HCN1: variants seen among roughly 807,000 people sequenced by gnomAD.
The protein encoded by HCN1 is hyperpolarization activated cyclic nucleotide gated potassium channel 1.
Under a neutral mutation model 78.9 loss-of-function variants are expected in HCN1, and 13 were observed. The observed-to-expected ratio is 0.16, with a 90% CI of 0.11 to 0.26. HCN1 has a LOEUF of 0.26. HCN1 is among the 10% of genes least tolerant of loss of function. The pLI is 1.00. For synonymous variants in HCN1, 552 were observed against 455.5 expected (o/e 1.21, Z -2.70); for missense variants, 810 against 1,154.3 (o/e 0.70, Z 4.32).
chr5:45,613,848 T>C (rs1185410014), intron 2 of HCN1, among the ~76,000 whole-genome samples: 1 of 152,158 alleles, frequency 6.6e-6, no homozygotes, highest in African/African-American at 2.4e-5. Flanking sequence ...ACCAAATTAG[T>C]ATGTTTTATA....
At chr5:45,371,951 T>C (rs1305474130) in intron 4 of HCN1, among the ~76,000 whole-genome samples, 28 of 97,432 alleles carry the variant, frequency 2.9e-4, no homozygotes, top group African/African-American at 9.7e-4. Context: ...ATATATAATA[T>C]AATATAATTA....
At chr5:45,649,853 C>T (rs1745643503) in intron 1 of HCN1, among the ~76,000 whole-genome samples, 1 of 151,888 alleles carries the variant, frequency 6.6e-6, no homozygotes, top group Admixed American at 6.6e-5. Flanking sequence ...AGCCAAAGAG[C>T]CATTAACAAA....
intron 2 of HCN1, among the ~76,000 whole-genome samples, chr5:45,585,644 ATCTTCATGGTTTTATCTACC>A (rs1659862607): frequency 6.6e-6 from 1 of 151,984 alleles, no homozygotes; most frequent in Non-Finnish European, 1.5e-5. Flanking sequence ...TTTTTTCCCC[ATCTTCATGGTTTTATCTACC>A]TGTGGTCTTT....
At chr5:45,323,394 C>T (rs987915658) in intron 5 of HCN1, among the ~76,000 whole-genome samples, 2 of 151,520 alleles carry the variant, frequency 1.3e-5, no homozygotes, top group Non-Finnish European at 2.9e-5. Context: ...TTATATAATT[C>T]CTATTACATC....
intron 2 of HCN1, among the ~76,000 whole-genome samples, chr5:45,604,980 T>C (rs771215252): frequency 1.3e-5 from 2 of 151,984 alleles, no homozygotes; most frequent in Non-Finnish European, 2.9e-5. Context: ...AATATGCAAA[T>C]CTTTATTTTG....
At chr5:45,348,446 A>T (rs563158596) in intron 5 of HCN1, among the ~76,000 whole-genome samples, 1 of 152,318 alleles carries the variant, frequency 6.6e-6, no homozygotes, top group East Asian at 1.9e-4. Flanking sequence ...GGCTAGGAAG[A>T]AACTGCATCA....
At chr5:45,682,926 C>A (rs1739730490) in intron 1 of HCN1, among the ~76,000 whole-genome samples, 1 of 151,940 alleles carries the variant, frequency 6.6e-6, no homozygotes, top group Non-Finnish European at 1.5e-5. Context: ...CATATTTTTT[C>A]TTTACAATAA....
Position 45,408,181 on chromosome 5 carries a change from T to C in HCN1, c.1012-11471A>G, listed in dbSNP as rs536146826. Reference sequence around the variant, plus strand: ...AAGGTTAATTTATTATTAAAGAAAATCTTAAAAATAAATTTAGTGTAGCCT... The same window carrying C: ...AAGGTTAATTTATTATTAAAGAAAACCTTAAAAATAAATTTAGTGTAGCCT... On this transcript the variant is annotated intron_variant, in intron 3 of 7. Coordinates refer to ENST00000303230, the MANE Select transcript of HCN1 (RefSeq NM_021072.4). Among the ~76,000 whole-genome samples, 95 of 152,062 alleles carry C rather than the reference T, an allele frequency of 6.2e-4. 1 individual carries two copies. Among genetic ancestry groups the C allele is most frequent in the African/African-American group, 2.2e-3 (92 of 41,478 alleles).
chr5:45,321,143 C>T (rs1366079119), intron 5 of HCN1, among the ~76,000 whole-genome samples: 1 of 151,634 alleles, frequency 6.6e-6, no homozygotes, highest in Non-Finnish European at 1.5e-5. Flanking sequence ...TTTGTTTCCT[C>T]AACGGTATCT....
intron 5 of HCN1, among the ~76,000 whole-genome samples, chr5:45,322,108 C>T (rs1746137791): frequency 6.6e-6 from 1 of 151,816 alleles, no homozygotes; most frequent in African/African-American, 2.4e-5. Context: ...CTAATAATTC[C>T]GTGACATAGT....
At position 45,386,904 on chromosome 5, in the gene HCN1, C is replaced by G. The variant is rs1033190431; in HGVS notation, c.1230+9588G>C. Among the ~76,000 whole-genome samples the G allele has an allele frequency of 3.9e-5, 6 of 152,016 alleles. 1 individual carries two copies. The East Asian group carries it at 1.2e-3, about 29-fold the overall frequency. Reference sequence around the variant, plus strand: ...GGCTTTTCCAAAATTGCTAAAGTAACTTTTAAATTTTTAGTTCATTAATTC... The same window carrying G: ...GGCTTTTCCAAAATTGCTAAAGTAAGTTTTAAATTTTTAGTTCATTAATTC... On this transcript the variant is annotated intron_variant, in intron 4 of 7. Transcript: ENST00000303230.
chr5:45,386,802 A>G (rs1473117994), intron 4 of HCN1, among the ~76,000 whole-genome samples: 1 of 152,132 alleles, frequency 6.6e-6, no homozygotes, highest in East Asian at 1.9e-4. Flanking sequence ...TTCTCTCTAA[A>G]TATCACTTAA....
chr5:45,497,727 T>G (rs917663656), intron 2 of HCN1, among the ~76,000 whole-genome samples: 1 of 152,294 alleles, frequency 6.6e-6, no homozygotes, highest in African/African-American at 2.4e-5. Flanking sequence ...CTGGTACTGG[T>G]TGTTCCTTTC....
At chr5:45,663,942 G>A (rs1391061149) in intron 1 of HCN1, among the ~76,000 whole-genome samples, 1 of 143,712 alleles carries the variant, frequency 7.0e-6, no homozygotes, top group African/African-American at 2.6e-5. Context: ...ATTTGACCCA[G>A]CCATCCCATT....
intron 2 of HCN1, among the ~76,000 whole-genome samples, chr5:45,612,515 A>G (rs1436041014): frequency 6.6e-6 from 1 of 152,164 alleles, no homozygotes; most frequent in Non-Finnish European, 1.5e-5. Flanking sequence ...TTTTTTATGC[A>G]ATCCCAAATA....
intron 5 of HCN1, among the ~76,000 whole-genome samples, chr5:45,312,342 A>G (rs551997065): frequency 6.6e-6 from 1 of 152,332 alleles, no homozygotes; most frequent in South Asian, 2.1e-4. Flanking sequence ...TCTTTGGTTG[A>G]CACGATGTCT....
Position 45,645,197 on chromosome 5 carries a change from A to T in HCN1, c.837T>A (p.His279Gln). The change falls in exon 2 of 8, where the codon CAT becomes CAA. Residue 279 changes from histidine (H) to glutamine (Q), a missense_variant. By Grantham distance (24) the His-to-Gln change is conservative. Coordinates refer to ENST00000303230, the MANE Select transcript of HCN1 (RefSeq NM_021072.4). Reference sequence around the variant, plus strand: ...AGATGCATCTTACCTCTTCCCATTGATGTATGTATCTAATTAACCTTGAAA... The same window carrying T: ...AGATGCATCTTACCTCTTCCCATTGTTGTATGTATCTAATTAACCTTGAAA... ...LRLSRLIRYI[H>Q]QWEEIFHMTY... is the part of the protein sequence containing the mutation. 1 of 1,610,994 alleles carries T rather than the reference A, an allele frequency of 6.2e-7. No homozygotes were observed. Among genetic ancestry groups the T allele is most frequent in the Non-Finnish European group, 8.5e-7 (1 of 1,177,706 alleles).
At chr5:45,426,698 T>C (rs1740354684) in intron 3 of HCN1, among the ~76,000 whole-genome samples, 1 of 152,168 alleles carries the variant, frequency 6.6e-6, no homozygotes, top group African/African-American at 2.4e-5. Flanking sequence ...ATTAGCAGCA[T>C]GAGAACGAAC....
chr5:45,497,811 T>C (rs1742079496), intron 2 of HCN1, among the ~76,000 whole-genome samples: 1 of 152,240 alleles, frequency 6.6e-6, no homozygotes, highest in Non-Finnish European at 1.5e-5. Flanking sequence ...CATTTGCTTG[T>C]CTGTAAAGGA....
Sources: gnomAD v4.1 joint callset for allele counts (sites outside exome capture counted in the v4.1 genomes callset) on GRCh38, gnomAD v4.1.1 for gene constraint, MANE v1.5 for transcripts, NCBI Gene and HGNC (gene_info 2026-07-23, HGNC 2026-07-21) for gene names.